The following CAMK4 variants were observed in gnomAD, a reference collection of about 807,000 sequenced individuals.
CAMK4 encodes the protein calcium/calmodulin dependent protein kinase IV.
Under a neutral mutation model 44.9 loss-of-function variants are expected in CAMK4, and 22 were observed. That is an observed-to-expected ratio of 0.49 (90% CI 0.35 to 0.70). CAMK4 has a LOEUF of 0.70. Ranked by LOEUF, CAMK4 falls within the 30% of genes least tolerant of loss-of-function variation. The probability of loss-of-function intolerance (pLI) is 0.01; values close to 1 mark genes in which losing one functional copy is unlikely to be tolerated. For synonymous variants in CAMK4, 218 were observed against 215.4 expected (o/e 1.01, Z -0.11); for missense variants, 498 against 586.8 (o/e 0.85, Z 1.56).
At chr5:111,320,014 G>C (rs1044177724) in intron 1 of CAMK4, among the ~76,000 whole-genome samples, 54 of 152,064 alleles carry the variant, frequency 3.6e-4, no homozygotes, top group Admixed American at 3.2e-3. Context: ...GTCTAGGATG[G>C]AATAAAAAAG....
intron 5 of CAMK4, among the ~76,000 whole-genome samples, chr5:111,416,107 G>A (rs1752805264): frequency 6.6e-6 from 1 of 152,274 alleles, no homozygotes; most frequent in South Asian, 2.1e-4. Context: ...TCCAGTAACT[G>A]CTGTTGGGGG....
chr5:111,431,738 T>C (rs1355496911), intron 5 of CAMK4, among the ~76,000 whole-genome samples: 2 of 152,052 alleles, frequency 1.3e-5, no homozygotes, highest in East Asian at 1.9e-4. Flanking sequence ...GACATACAAA[T>C]GGCAAACAGG....
chr5:111,322,845 T>G (rs546232023), intron 1 of CAMK4, among the ~76,000 whole-genome samples: 8 of 152,202 alleles, frequency 5.3e-5, no homozygotes, highest in Non-Finnish European at 1.2e-4. Context: ...ATTTTAGAAT[T>G]GAAAAGTACA....
intron 5 of CAMK4, among the ~76,000 whole-genome samples, chr5:111,420,626 G>A (rs1464896915): frequency 2.0e-5 from 3 of 152,046 alleles, no homozygotes; most frequent in Non-Finnish European, 4.4e-5. Context: ...CTGCAGTCTC[G>A]ACCATAAAAG....
intron 7 of CAMK4, among the ~76,000 whole-genome samples, chr5:111,461,801 A>G (rs936510472): frequency 9.7e-6 from 1 of 103,026 alleles, no homozygotes; most frequent in South Asian, 3.4e-4. Flanking sequence ...AATTCAAAAC[A>G]AGCCTCTATA....
At chr5:111,258,740 C>CGTGTGTGTGTGT (rs201959904) in intron 1 of CAMK4, among the ~76,000 whole-genome samples, 37 of 139,236 alleles carry the variant, frequency 2.7e-4, no homozygotes, top group African/African-American at 3.4e-4. Context: ...GAGTTATCAG[C>CGTGTGTGTGTGT]GTGTGTGTGT....
intron 1 of CAMK4, among the ~76,000 whole-genome samples, chr5:111,244,848 G>T (rs1202806492): frequency 6.6e-6 from 1 of 151,974 alleles, no homozygotes; most frequent in Non-Finnish European, 1.5e-5. Context: ...GTGACAGAGC[G>T]AGATTCTGTC....
chr5:111,338,745 G>A (rs189930368), intron 1 of CAMK4, among the ~76,000 whole-genome samples: 1 of 151,266 alleles, frequency 6.6e-6, no homozygotes, highest in African/African-American at 2.4e-5. Flanking sequence ...TGCTTTTGTC[G>A]AATTGTTGAA....
At chr5:111,445,756 G>C (rs779738518) in intron 5 of CAMK4, among the ~76,000 whole-genome samples, 2 of 152,176 alleles carry the variant, frequency 1.3e-5, no homozygotes, top group African/African-American at 2.4e-5. Flanking sequence ...TATATGTAAA[G>C]AAATCTGTTC....
At chr5:111,255,267 C>T (rs1229217510) in intron 1 of CAMK4, among the ~76,000 whole-genome samples, 1 of 152,194 alleles carries the variant, frequency 6.6e-6, no homozygotes, top group Non-Finnish European at 1.5e-5. Context: ...GTGCCATCAT[C>T]ACTTCCATTG....
chr5:111,331,741 A>T (rs1186591615), intron 1 of CAMK4, among the ~76,000 whole-genome samples: 1 of 151,798 alleles, frequency 6.6e-6, no homozygotes, highest in African/African-American at 2.4e-5. Flanking sequence ...ATTTATATAT[A>T]TGGTTTTGAC....
At chr5:111,315,597 A>ATTTTTTTTTTT (rs973403686) in intron 1 of CAMK4, among the ~76,000 whole-genome samples, 10 of 151,976 alleles carry the variant, frequency 6.6e-5, no homozygotes, top group African/African-American at 2.4e-4. Flanking sequence ...TATGATCTTC[A>ATTTTTTTTTTT]TTTTTTTTGT....
chr5:111,406,954 A>C (rs2112886696), intron 5 of CAMK4, among the ~76,000 whole-genome samples: 1 of 152,344 alleles, frequency 6.6e-6, no homozygotes, highest in East Asian at 1.9e-4. Flanking sequence ...CTATTCTGTT[A>C]GGTTTCAGTT....
chr5:111,258,556 C>T (rs895852037), intron 1 of CAMK4, among the ~76,000 whole-genome samples: 3 of 152,098 alleles, frequency 2.0e-5, no homozygotes, highest in African/African-American at 7.2e-5. Flanking sequence ...CCCATCAGAT[C>T]TCGTGAGACT....
intron 2 of CAMK4, among the ~76,000 whole-genome samples, chr5:111,369,065 AATTATTATT>A (rs951505996): frequency 6.7e-6 from 1 of 148,674 alleles, no homozygotes. Flanking sequence ...TAATAATAAT[AATTATTATT>A]ATTATTATTG....
intron 1 of CAMK4, among the ~76,000 whole-genome samples, chr5:111,227,548 G>A (rs944128250): frequency 5.3e-5 from 8 of 152,146 alleles, no homozygotes; most frequent in African/African-American, 1.9e-4. Flanking sequence ...AAGATTGGAC[G>A]GTGACCACTG....
At chr5:111,363,924 T>C (rs1306234613) in intron 2 of CAMK4, among the ~76,000 whole-genome samples, 1 of 152,066 alleles carries the variant, frequency 6.6e-6, no homozygotes, top group African/African-American at 2.4e-5. Context: ...TCATTCTGGA[T>C]GTTGTGTGTA....
rs151164917 is a variant in CAMK4 at position 111,407,307 on chromosome 5, C to T, written c.459+12525C>T. Among the ~76,000 whole-genome samples the T allele has an allele frequency of 7.0e-3, 1,055 of 149,920 alleles. 48 individuals are homozygous for T. The highest frequency in any genetic ancestry group is 0.056 in the Admixed American group (834 of 15,026). On this transcript the variant is annotated intron_variant, in intron 5 of 10. Transcript: ENST00000282356. ...CGGAGGTTGCAGTAAGCTGAGATCGCGCCACTGCACTCTAGCCTGGGTGAC... is the reference window on the plus strand; with the variant it reads ...CGGAGGTTGCAGTAAGCTGAGATCGTGCCACTGCACTCTAGCCTGGGTGAC...
At chr5:111,462,273 GCCAACC>G (rs1267923362) in intron 7 of CAMK4, among the ~76,000 whole-genome samples, 1 of 152,050 alleles carries the variant, frequency 6.6e-6, no homozygotes, top group Non-Finnish European at 1.5e-5. Context: ...CTGTGACCAG[GCCAACC>G]CCGTACTAAA....
Sources: gnomAD v4.1 joint callset for allele counts (sites outside exome capture counted in the v4.1 genomes callset) on GRCh38, gnomAD v4.1.1 for gene constraint, MANE v1.5 for transcripts, NCBI Gene and HGNC (gene_info 2026-07-23, HGNC 2026-07-21) for gene names.